KAZN: variants seen among roughly 807,000 people sequenced by gnomAD.
The protein encoded by KAZN is kazrin, periplakin interacting protein.
In KAZN, 40 loss-of-function variants were observed where a neutral mutation model predicts 87.4. That is an observed-to-expected ratio of 0.46 (90% CI 0.36 to 0.60). The LOEUF is 0.60. Among genes scored for constraint, KAZN ranks in the 20% least tolerant of loss-of-function variants. The pLI, the probability that KAZN is intolerant of heterozygous loss-of-function variation, is 0.00. For missense variants in KAZN, 898 were observed against 1,073.9 expected (o/e 0.84, Z 2.29); for synonymous variants, 466 against 458.3 (o/e 1.02, Z -0.22).
intron 1 of KAZN, among the ~76,000 whole-genome samples, chr1:14,076,042 G>A (rs1197441732): frequency 6.6e-6 from 1 of 152,192 alleles, no homozygotes; most frequent in East Asian, 1.9e-4. Flanking sequence ...AGCACTTTGG[G>A]AGGCTGAGGC....
At chr1:15,073,415 TG>T (rs1254578748) in intron 8 of KAZN, among the ~76,000 whole-genome samples, 2 of 152,132 alleles carry the variant, frequency 1.3e-5, no homozygotes, top group African/African-American at 4.8e-5. Flanking sequence ...GCCCGTGGGT[TG>T]GAGGGCAGAC....
rs146680536 is a variant in KAZN, at chr1:14,619,224, A to G, written c.226+20001A>G. On this transcript the variant is annotated intron_variant, in intron 1 of 14. Transcript: ENST00000376030. Reference sequence around the variant, plus strand: ...TTGGTTTTTTTTTTTTTAAGACAAAATTTTACTCTCTTGCCTGGGCTCAAG... The same window carrying G: ...TTGGTTTTTTTTTTTTTAAGACAAAGTTTTACTCTCTTGCCTGGGCTCAAG... Among the ~76,000 whole-genome samples the G allele has an allele frequency of 5.1e-3, 769 of 151,664 alleles. 12 individuals are homozygous for G. Among genetic ancestry groups the G allele is most frequent in the African/African-American group, 0.018 (736 of 41,358 alleles).
intron 1 of KAZN, among the ~76,000 whole-genome samples, chr1:14,825,496 C>G (rs1646858727): frequency 6.6e-6 from 1 of 152,182 alleles, no homozygotes; most frequent in Non-Finnish European, 1.5e-5. Context: ...CTGTCTGTGC[C>G]TCCAGGCATG....
At chr1:14,043,397 G>C (rs1477382239) in intron 1 of KAZN, among the ~76,000 whole-genome samples, 1 of 152,180 alleles carries the variant, frequency 6.6e-6, no homozygotes, top group Non-Finnish European at 1.5e-5. Flanking sequence ...TGCCGTAAAC[G>C]TGGGTGTACA....
chr1:14,102,399 C>T (rs1644276630), intron 1 of KAZN, among the ~76,000 whole-genome samples: 2 of 151,930 alleles, frequency 1.3e-5, no homozygotes, highest in African/African-American at 4.8e-5. Context: ...CTTCCTCCAT[C>T]CAATGGCCAT....
At chr1:14,791,052 G>A (rs532209835) in intron 1 of KAZN, among the ~76,000 whole-genome samples, 2 of 152,220 alleles carry the variant, frequency 1.3e-5, no homozygotes, top group African/African-American at 2.4e-5. Context: ...CTGCCTCCAA[G>A]TCTCATCCCA....
At chr1:13,970,037 CA>C (rs1642081894) in intron 1 of KAZN, among the ~76,000 whole-genome samples, 1 of 152,196 alleles carries the variant, frequency 6.6e-6, no homozygotes, top group African/African-American at 2.4e-5. Context: ...ATTTGATGCC[CA>C]AATTCATGCT....
chr1:13,990,372 C>G (rs1383166345), intron 1 of KAZN, among the ~76,000 whole-genome samples: 2 of 151,950 alleles, frequency 1.3e-5, no homozygotes, highest in Non-Finnish European at 2.9e-5. Context: ...GATGCAGGCA[C>G]CAATATGGAT....
intron 1 of KAZN, among the ~76,000 whole-genome samples, chr1:14,060,648 C>A (rs929974008): frequency 6.6e-6 from 1 of 152,186 alleles, no homozygotes; most frequent in African/African-American, 2.4e-5. Context: ...TCTGTGACAT[C>A]TGTGACAATG....
intron 1 of KAZN, among the ~76,000 whole-genome samples, chr1:14,104,732 C>A (rs1644331399): frequency 6.6e-6 from 1 of 152,116 alleles, no homozygotes; most frequent in Non-Finnish European, 1.5e-5. Flanking sequence ...TGAATTTGTA[C>A]CCTTATCATT....
chr1:14,124,050 T>C (rs10429936), intron 1 of KAZN, among the ~76,000 whole-genome samples: 84,103 of 152,078 alleles, frequency 0.55, 24,355 homozygotes, highest in East Asian at 0.74. Flanking sequence ...GACTTTTCCC[T>C]CCATTTCCAA....
chr1:15,109,790 T>C (rs1641432466), intron 13 of KAZN, among the ~76,000 whole-genome samples: 1 of 28,354 alleles, frequency 3.5e-5, no homozygotes, highest in South Asian at 2.5e-3. Flanking sequence ...TATGTGTTTG[T>C]GTGTATGTGT....
intron 5 of KAZN, among the ~76,000 whole-genome samples, chr1:15,058,007 C>T (rs1638453215): frequency 6.6e-6 from 1 of 152,232 alleles, no homozygotes; most frequent in Non-Finnish European, 1.5e-5. Context: ...CAACCATCTC[C>T]ATGCATTTTA....
chr1:14,353,270 G>T (rs1658705592), intron 2 of KAZN, among the ~76,000 whole-genome samples: 1 of 150,740 alleles, frequency 6.6e-6, no homozygotes, highest in Non-Finnish European at 1.5e-5. Flanking sequence ...TGTCACCCAG[G>T]CTGGAGTGCA....
chr1:14,868,915 C>T lies in KAZN; in HGVS notation c.227-91769C>T, dbSNP rs948947690. Reference sequence around the variant, plus strand: ...TGGGGCCAAGATAAGAGAACTGAATCGGGGTTGGCGGGGGGGTGCATCTGT... The same window carrying T: ...TGGGGCCAAGATAAGAGAACTGAATTGGGGTTGGCGGGGGGGTGCATCTGT... On this transcript the variant is annotated intron_variant, in intron 1 of 14. Transcript: ENST00000376030. 7.2e-5 allele frequency among the ~76,000 whole-genome samples: 11 copies of T among 152,142 alleles called. 1 individual carries two copies. The highest frequency in any genetic ancestry group is 4.2e-4 in the South Asian group (2 of 4,792).
At chr1:14,805,817 G>T (rs1646199288) in intron 1 of KAZN, among the ~76,000 whole-genome samples, 1 of 150,388 alleles carries the variant, frequency 6.6e-6, no homozygotes, top group South Asian at 2.1e-4. Context: ...ATTAAAATCT[G>T]GCTAGATAGG....
At chr1:13,902,827 A>G (rs1639297646) in intron 1 of KAZN, among the ~76,000 whole-genome samples, 1 of 152,266 alleles carries the variant, frequency 6.6e-6, no homozygotes, top group Non-Finnish European at 1.5e-5. Context: ...TTATGTATCA[A>G]TCAAAATACA....
chr1:14,395,855 C>A (rs1247783734), intron 2 of KAZN, among the ~76,000 whole-genome samples: 1 of 152,030 alleles, frequency 6.6e-6, no homozygotes, highest in Admixed American at 6.5e-5. Context: ...GCCATAATAA[C>A]CCCACAGTTC....
intron 2 of KAZN, among the ~76,000 whole-genome samples, chr1:14,306,034 C>A (rs1253990638): frequency 6.6e-6 from 1 of 152,118 alleles, no homozygotes; most frequent in Non-Finnish European, 1.5e-5. Flanking sequence ...TGAGCCTCCT[C>A]CCCAGTCCAG....
Sources: gnomAD v4.1 joint callset for allele counts (sites outside exome capture counted in the v4.1 genomes callset) on GRCh38, gnomAD v4.1.1 for gene constraint, MANE v1.5 for transcripts, NCBI Gene and HGNC (gene_info 2026-07-23, HGNC 2026-07-21) for gene names.